EBF1: variants seen among roughly 807,000 people sequenced by gnomAD.
EBF1 encodes transcription factor COE1.
In EBF1, 10 loss-of-function variants were observed where a neutral mutation model predicts 68.4. The observed-to-expected ratio is 0.15, with a 90% CI of 0.09 to 0.25. The LOEUF (loss-of-function observed/expected upper bound fraction) is 0.25, where lower values mean the gene tolerates loss of function less well. Among genes scored for constraint, EBF1 ranks in the 10% least tolerant of loss-of-function variants. EBF1 has a pLI of 1.00. For synonymous variants in EBF1, 298 were observed against 299.8 expected (o/e 0.99, Z 0.06); for missense variants, 509 against 794.4 (o/e 0.64, Z 4.32).
chr5:158,899,397 G>A (rs1399023509), intron 6 of EBF1, among the ~76,000 whole-genome samples: 4 of 152,320 alleles, frequency 2.6e-5, no homozygotes, highest in South Asian at 4.1e-4. Flanking sequence ...AGGCATTCCC[G>A]AATGGTGGGA....
intron 11 of EBF1, among the ~76,000 whole-genome samples, chr5:158,728,215 C>T (rs895731303): frequency 7.2e-5 from 11 of 152,186 alleles, no homozygotes; most frequent in East Asian, 5.8e-4. Flanking sequence ...GACAGCCACT[C>T]GGCTCTGAGT....
chr5:158,965,694 G>A (rs66666124), intron 6 of EBF1, among the ~76,000 whole-genome samples: 25,332 of 152,140 alleles, frequency 0.17, 2,185 homozygotes, highest in Admixed American at 0.19. Flanking sequence ...TATAAAATGG[G>A]ATGCTACACT....
intron 10 of EBF1, among the ~76,000 whole-genome samples, chr5:158,742,060 C>T (rs549639749): frequency 2.0e-4 from 31 of 152,284 alleles, no homozygotes; most frequent in Admixed American, 1.3e-3. Context: ...CAGTCTGCCT[C>T]GAGAGCCCTA....
At chr5:158,898,614 C>G (rs903600300) in intron 6 of EBF1, among the ~76,000 whole-genome samples, 1 of 152,242 alleles carries the variant, frequency 6.6e-6, no homozygotes, top group African/African-American at 2.4e-5. Flanking sequence ...AAATTCACAT[C>G]ACATTTTCAT....
intron 10 of EBF1, among the ~76,000 whole-genome samples, chr5:158,759,942 TGAC>T (rs56205436): frequency 0.066 from 10,023 of 152,072 alleles, 438 homozygotes; most frequent in Non-Finnish European, 0.088. Flanking sequence ...AAAAATAATG[TGAC>T]AACAAAATAT....
At chr5:158,985,440 A>C (rs948080669) in intron 6 of EBF1, among the ~76,000 whole-genome samples, 2 of 152,246 alleles carry the variant, frequency 1.3e-5, no homozygotes, top group Admixed American at 6.5e-5. Flanking sequence ...GAATCTCTGG[A>C]GGCAAAGGCT....
At chr5:158,811,013 T>C (rs1017359089) in intron 8 of EBF1, among the ~76,000 whole-genome samples, 1 of 150,670 alleles carries the variant, frequency 6.6e-6, no homozygotes. Flanking sequence ...TCCAGGTAAA[T>C]CTCTTTTTTT....
At chr5:158,746,682 A>G (rs565277624) in intron 10 of EBF1, among the ~76,000 whole-genome samples, 4 of 152,180 alleles carry the variant, frequency 2.6e-5, no homozygotes, top group African/African-American at 7.2e-5. Context: ...TACTCTCTCT[A>G]TAATCTTCCT....
At chr5:158,833,028 G>A (rs1787928071) in intron 7 of EBF1, among the ~76,000 whole-genome samples, 1 of 152,070 alleles carries the variant, frequency 6.6e-6, no homozygotes, top group Admixed American at 6.6e-5. Flanking sequence ...ACCCTCTCTG[G>A]CTCTTCCCAG....
At chr5:158,862,817 T>C (rs1259600470) in intron 6 of EBF1, among the ~76,000 whole-genome samples, 1 of 152,238 alleles carries the variant, frequency 6.6e-6, no homozygotes, top group African/African-American at 2.4e-5. Flanking sequence ...ACCTACAATA[T>C]GATTATCATT....
chr5:158,917,456 C>T (rs1807454655), intron 6 of EBF1, among the ~76,000 whole-genome samples: 14 of 152,202 alleles, frequency 9.2e-5, no homozygotes, highest in Admixed American at 9.2e-4. Context: ...ACCAGCTCCA[C>T]TGAATGGAGC....
intron 4 of EBF1, among the ~76,000 whole-genome samples, chr5:159,089,873 A>G (rs1781326725): frequency 6.6e-6 from 1 of 151,834 alleles, no homozygotes; most frequent in African/African-American, 2.4e-5. Context: ...AGGAAAAGAA[A>G]TTAAGAAAAA....
At chr5:158,733,852 G>A (rs1764621792) in intron 10 of EBF1, among the ~76,000 whole-genome samples, 3 of 152,100 alleles carry the variant, frequency 2.0e-5, no homozygotes, top group Non-Finnish European at 4.4e-5. Context: ...TAAATCCAAA[G>A]GAACCTGATG....
chr5:158,836,686 T>C (rs988834469), intron 7 of EBF1, among the ~76,000 whole-genome samples: 1 of 152,126 alleles, frequency 6.6e-6, no homozygotes, highest in Non-Finnish European at 1.5e-5. Flanking sequence ...AAGAAATGTA[T>C]TAATGTACAG....
rs140690550 is a variant in EBF1, at chr5:158,988,023, G to A, written c.554+85373C>T. ...CCAGCTCCTCTGTTTCTGAAGCACCGTTTATAACACAGACAACTGGAATAT... is the reference window on the plus strand; with the variant it reads ...CCAGCTCCTCTGTTTCTGAAGCACCATTTATAACACAGACAACTGGAATAT... On this transcript the variant is annotated intron_variant, in intron 6 of 15. Coordinates refer to ENST00000313708, the MANE Select transcript of EBF1 (RefSeq NM_024007.5). Among the ~76,000 whole-genome samples, 16 of 152,302 alleles carry A rather than the reference G, an allele frequency of 1.1e-4. No homozygotes were observed. The East Asian group carries it at 2.1e-3, about 20-fold the overall frequency.
chr5:158,923,904 CTCTT>C (rs1809006827), intron 6 of EBF1, among the ~76,000 whole-genome samples: 2 of 152,272 alleles, frequency 1.3e-5, no homozygotes, highest in African/African-American at 4.8e-5. Flanking sequence ...TGTTTACTGC[CTCTT>C]TCTTTTAGCC....
rs539493620 is a variant in EBF1 at position 158,872,996 on chromosome 5, A to ATTTTTTTTTT, written c.555-32896_555-32887dup. 8.3e-4 allele frequency among the ~76,000 whole-genome samples: 67 copies of ATTTTTTTTTT among 81,116 alleles called. 7 individuals are homozygous for ATTTTTTTTTT. Among genetic ancestry groups the ATTTTTTTTTT allele is most frequent in the African/African-American group, 3.1e-3 (63 of 20,130 alleles). 53.2% of individuals were successfully genotyped at this position (81,116 alleles called of 152,430 possible). On this transcript the variant is annotated intron_variant, in intron 6 of 15. Coordinates refer to ENST00000313708, the MANE Select transcript of EBF1 (RefSeq NM_024007.5). ...GGCTCTTCAGTCAAGAATGACACTA[A>ATTTTTTTTTT]TTTTTTTTTTTTTTTTTTTTTTTTT...
intron 10 of EBF1, among the ~76,000 whole-genome samples, chr5:158,755,272 T>A (rs1179022483): frequency 1.3e-5 from 2 of 152,108 alleles, no homozygotes; most frequent in Non-Finnish European, 2.9e-5. Context: ...TAAAGTAATC[T>A]TTCCTACCCT....
At chr5:159,032,050 G>A (rs1769014658) in intron 6 of EBF1, among the ~76,000 whole-genome samples, 1 of 152,136 alleles carries the variant, frequency 6.6e-6, no homozygotes, top group African/African-American at 2.4e-5. Context: ...TCTGGTATGT[G>A]TAGGTTGTTT....
Sources: gnomAD v4.1 joint callset for allele counts (sites outside exome capture counted in the v4.1 genomes callset) on GRCh38, gnomAD v4.1.1 for gene constraint, MANE v1.5 for transcripts, NCBI Gene and HGNC (gene_info 2026-07-23, HGNC 2026-07-21) for gene names.